NKAIN3: variants seen among roughly 807,000 people sequenced by gnomAD.
The protein encoded by NKAIN3 is sodium/potassium-transporting ATPase subunit beta-1-interacting protein 3.
In NKAIN3, 25 loss-of-function variants were observed where a neutral mutation model predicts 30.2. The ratio of observed to expected loss-of-function variants is 0.83; its 90% confidence interval spans 0.60 to 1.16. NKAIN3 has a LOEUF of 1.16. Ranked by LOEUF, NKAIN3 falls within the 50% of genes most tolerant of loss-of-function variation. NKAIN3 has a pLI of 0.00. For missense variants in NKAIN3, 225 were observed against 254.1 expected (o/e 0.89, Z 0.78); for synonymous variants, 91 against 89.6 (o/e 1.02, Z -0.09).
intron 1 of NKAIN3, among the ~76,000 whole-genome samples, chr8:62,336,797 A>C (rs1231917398): frequency 6.6e-6 from 1 of 152,042 alleles, no homozygotes; most frequent in African/African-American, 2.4e-5. Context: ...ACTTGTAGTC[A>C]TTCAGAGGTG....
At chr8:62,652,796 C>T (rs1234189999) in intron 3 of NKAIN3, among the ~76,000 whole-genome samples, 1 of 152,090 alleles carries the variant, frequency 6.6e-6, no homozygotes, top group African/African-American at 2.4e-5. Context: ...ATAGGTAATA[C>T]TTATTGTTCT....
In NKAIN3 at chr8:62,560,531, C is replaced by CTTTTTTTTTTTTTTTTTTTTTTTTTTT. The variant is rs869256384; in HGVS notation, c.55-18983_55-18982insTTTTTTTTTTTTTTTTTTTTTTTTTTT. Among the ~76,000 whole-genome samples, 6 of 45,364 alleles carry CTTTTTTTTTTTTTTTTTTTTTTTTTTT rather than the reference C, an allele frequency of 1.3e-4. 1 individual carries two copies. Among genetic ancestry groups the CTTTTTTTTTTTTTTTTTTTTTTTTTTT allele is most frequent in the Non-Finnish European group, 1.1e-4 (3 of 27,028 alleles). The allele number at this position is 45,364 out of a possible 152,430, so 29.8% of individuals were successfully genotyped here. A position where few individuals can be genotyped will look rare whatever the true frequency, so the allele number is the denominator to read the frequency against. ...CAGTTCACTGAATCTTTTTTCTTTT[C>CTTTTTTTTTTTTTTTTTTTTTTTTTTT]TTTTTTTTTTTTTTTTTTTTTTTTT... On this transcript the variant is annotated intron_variant, in intron 1 of 6. Transcript: ENST00000623646.
chr8:62,293,669 G>C (rs1355028346), intron 1 of NKAIN3, among the ~76,000 whole-genome samples: 1 of 152,194 alleles, frequency 6.6e-6, no homozygotes, highest in Non-Finnish European at 1.5e-5. Flanking sequence ...CTCCCAGTTA[G>C]GCTACTCGGG....
At chr8:62,656,758 T>C (rs1812775933) in intron 3 of NKAIN3, among the ~76,000 whole-genome samples, 1 of 152,200 alleles carries the variant, frequency 6.6e-6, no homozygotes, top group South Asian at 2.1e-4. Flanking sequence ...AGGCTTCCTA[T>C]AAGCTCTTTT....
intron 4 of NKAIN3, among the ~76,000 whole-genome samples, chr8:62,910,321 T>G (rs1257027858): frequency 2.0e-5 from 3 of 152,164 alleles, no homozygotes; most frequent in Non-Finnish European, 4.4e-5. Flanking sequence ...GCTTACTCTC[T>G]TTTGCCTTCA....
chr8:62,739,629 C>T (rs1482843244), intron 3 of NKAIN3, among the ~76,000 whole-genome samples: 1 of 151,912 alleles, frequency 6.6e-6, no homozygotes. Context: ...TTTTAAAGAT[C>T]CCTCTACCTG....
chr8:62,933,007 C>CACACACAG (rs1271053072), intron 5 of NKAIN3, among the ~76,000 whole-genome samples: 1,840 of 151,752 alleles, frequency 0.012, 43 homozygotes, highest in African/African-American at 0.043. Flanking sequence ...CACACACACA[C>CACACACAG]ACACACACAC....
intron 4 of NKAIN3, among the ~76,000 whole-genome samples, chr8:62,749,194 C>A (rs1816186550): frequency 6.6e-6 from 1 of 152,146 alleles, no homozygotes; most frequent in Non-Finnish European, 1.5e-5. Context: ...ATGGCCAGAC[C>A]TTTACAATGC....
At position 62,249,048 on chromosome 8, in the gene NKAIN3, A is replaced by G. The variant is rs753695559; in HGVS notation, c.-26A>G. The G allele has an allele frequency of 6.5e-7, 1 of 1,531,154 alleles. No individual in the cohort carries two copies. The allele number at this position is 1,531,154 out of a possible 1,614,324, so 94.8% of individuals were successfully genotyped here. A position where few individuals can be genotyped will look rare whatever the true frequency, so the allele number is the denominator to read the frequency against. Reference sequence around the variant, plus strand: ...CGGAGGACGAGGATCTCTGGCAGTCAGCGCCGCTCGGACGCCGCCGGCACC... The same window carrying G: ...CGGAGGACGAGGATCTCTGGCAGTCGGCGCCGCTCGGACGCCGCCGGCACC... On this transcript the variant is annotated 5_prime_UTR_variant, in exon 1 of 7. Transcript: ENST00000623646.
chr8:62,397,072 C>G (rs1457097857), intron 1 of NKAIN3, among the ~76,000 whole-genome samples: 1 of 152,154 alleles, frequency 6.6e-6, no homozygotes, highest in Admixed American at 6.5e-5. Flanking sequence ...TCTTAAAACT[C>G]TCCCAGCACA....
intron 4 of NKAIN3, among the ~76,000 whole-genome samples, chr8:62,749,132 C>T (rs935454933): frequency 1.3e-5 from 2 of 152,156 alleles, no homozygotes; most frequent in South Asian, 2.1e-4. Context: ...AGATTACTCT[C>T]CTTTAAAAAA....
intron 3 of NKAIN3, among the ~76,000 whole-genome samples, chr8:62,608,344 T>A (rs1375462399): frequency 6.6e-6 from 1 of 152,204 alleles, no homozygotes; most frequent in East Asian, 1.9e-4. Flanking sequence ...AAATTTGAAC[T>A]GTTTAATAAT....
At chr8:62,482,415 A>G (rs932300589) in intron 1 of NKAIN3, 1 of 152,264 alleles carries the variant, frequency 6.6e-6, no homozygotes, top group Non-Finnish European at 1.5e-5. Context: ...GCCGGCTAAT[A>G]TCTTACTTCC....
At chr8:62,543,114 A>G (rs562059520) in intron 1 of NKAIN3, among the ~76,000 whole-genome samples, 1 of 152,320 alleles carries the variant, frequency 6.6e-6, no homozygotes, top group South Asian at 2.1e-4. Flanking sequence ...TCTCTTTGCG[A>G]CATAACCCAT....
chr8:62,803,693 G>C (rs371026334), intron 4 of NKAIN3, among the ~76,000 whole-genome samples: 57 of 151,904 alleles, frequency 3.8e-4, no homozygotes, highest in African/African-American at 5.8e-4. Flanking sequence ...CCTAACATCA[G>C]AATTAAAAGA....
chr8:62,912,567 TA>T (rs1312086699), intron 4 of NKAIN3, among the ~76,000 whole-genome samples: 1 of 152,198 alleles, frequency 6.6e-6, no homozygotes, highest in Non-Finnish European at 1.5e-5. Flanking sequence ...TCCTTATTTA[TA>T]AGCCCTTTTC....
At chr8:62,598,507 C>T (rs986019941) in intron 3 of NKAIN3, among the ~76,000 whole-genome samples, 1 of 151,980 alleles carries the variant, frequency 6.6e-6, no homozygotes, top group Non-Finnish European at 1.5e-5. Flanking sequence ...TTTATTTTGC[C>T]TTCACCTAAG....
chr8:62,476,264 A>G (rs1383872273), intron 1 of NKAIN3, among the ~76,000 whole-genome samples: 1 of 152,160 alleles, frequency 6.6e-6, no homozygotes, highest in African/African-American at 2.4e-5. Context: ...AAGTGACAAG[A>G]TAGCACATTG....
chr8:62,995,101 T>C (rs962378091), intron 5 of NKAIN3, among the ~76,000 whole-genome samples: 7 of 152,228 alleles, frequency 4.6e-5, no homozygotes, highest in Non-Finnish European at 1.0e-4. Flanking sequence ...TATTTACATT[T>C]GCACATTCCC....
Sources: gnomAD v4.1 joint callset for allele counts (sites outside exome capture counted in the v4.1 genomes callset) on GRCh38, gnomAD v4.1.1 for gene constraint, MANE v1.5 for transcripts, NCBI Gene and HGNC (gene_info 2026-07-23, HGNC 2026-07-21) for gene names.